Variants in KLRG1 observed in about 807,000 individuals in gnomAD.
KLRG1 encodes the protein killer cell lectin like receptor G1.
A neutral mutation model predicts 21.8 loss-of-function variants in KLRG1; 16 were observed. That is an observed-to-expected ratio of 0.73 (90% CI 0.50 to 1.11). The LOEUF is 1.11. Ranked by LOEUF, KLRG1 falls within the 50% of genes most tolerant of loss-of-function variation. KLRG1 has a pLI of 0.00. For synonymous variants in KLRG1, 69 were observed against 75.9 expected (o/e 0.91, Z 0.47); for missense variants, 173 against 218.3 (o/e 0.79, Z 1.31).
At chr12:9,169,046 C>A in the KLRG1 span, 3 of 1,101,444 alleles carry the variant, frequency 2.7e-6, no homozygotes, top group Non-Finnish European at 4.1e-6. Flanking sequence ...TCCTTAGAGA[C>A]TTCTCTATGT....
At chr12:8,954,813 A>G (rs1014423818) in intron 1 of KLRG1, among the ~76,000 whole-genome samples, 3 of 152,230 alleles carry the variant, frequency 2.0e-5, no homozygotes, top group African/African-American at 7.2e-5. Flanking sequence ...CTGATAAGCC[A>G]TACGATGTGT....
At chr12:9,065,014 A>AG in the KLRG1 span, 1 of 152,190 alleles carries the variant, frequency 6.6e-6, no homozygotes, top group African/African-American at 2.4e-5. Flanking sequence ...GGCGCCCCCC[A>AG]GGCAGGGCCG....
At chr12:9,080,271 T>C in the KLRG1 span, 2 of 711,348 alleles carry the variant, frequency 2.8e-6, no homozygotes, top group Non-Finnish European at 2.3e-6. Context: ...CTATGCCTTA[T>C]ACCTAAACTC....
chr12:9,149,455 G>T, the KLRG1 span: 3 of 1,142,814 alleles, frequency 2.6e-6, no homozygotes, highest in Non-Finnish European at 3.7e-6. Context: ...ATGCCATGTG[G>T]ATTGTCTCAG....
At chr12:9,079,441 G>C in the KLRG1 span, 1 of 1,254,134 alleles carries the variant, frequency 8.0e-7, no homozygotes, top group Non-Finnish European at 1.1e-6. Context: ...AAATTTTGTT[G>C]TCATAGATTA....
In KLRG1 at chr12:8,974,418, C is replaced by T. The variant is rs752888933; in HGVS notation, c.-155-17788C>T. Among the ~76,000 whole-genome samples the T allele has an allele frequency of 3.5e-3, 530 of 152,216 alleles. 3 individuals carry two copies. Among genetic ancestry groups the T allele is most frequent in the African/African-American group, 0.011 (467 of 41,544 alleles). On this transcript the variant is annotated intron_variant, in intron 1 of 4. Coordinates refer to the KLRG1 transcript ENST00000539240. Reference sequence around the variant, plus strand: ...TCCTGACCTTGTGATCCACCCACCTCGGCCTCCCAAAGTGCTGGGATTACA... The same window carrying T: ...TCCTGACCTTGTGATCCACCCACCTTGGCCTCCCAAAGTGCTGGGATTACA...
chr12:9,202,792 G>C, the KLRG1 span: 122 of 1,070,222 alleles, frequency 1.1e-4, 2 homozygotes, highest in South Asian at 1.9e-3. Flanking sequence ...CCAAGGAGAA[G>C]GAAGGTGTGA....
the KLRG1 span, among the ~76,000 whole-genome samples, chr12:9,031,637 G>T: frequency 7.9e-5 from 12 of 152,158 alleles, no homozygotes; most frequent in African/African-American, 9.7e-5. Context: ...GGCCCACGAC[G>T]CAGCCCTCAG....
the KLRG1 span, among the ~76,000 whole-genome samples, chr12:9,192,916 A>C: frequency 6.6e-6 from 1 of 152,242 alleles, no homozygotes; most frequent in Non-Finnish European, 1.5e-5. Flanking sequence ...AAATATTAAA[A>C]GGAAATCATC....
the KLRG1 span, chr12:9,151,564 G>C: frequency 2.6e-6 from 4 of 1,543,560 alleles, no homozygotes; most frequent in Admixed American, 5.3e-5. Context: ...TTAGAAAGAC[G>C]ACCCATATGT....
chr12:9,201,270 AC>A, the KLRG1 span: 45 of 1,428,658 alleles, frequency 3.1e-5, no homozygotes, highest in Admixed American at 8.3e-4. Context: ...TATTATCAGA[AC>A]CTCCTACTCT....
chr12:8,956,449 T>G (rs1456407399), intron 1 of KLRG1, among the ~76,000 whole-genome samples: 1 of 152,150 alleles, frequency 6.6e-6, no homozygotes, highest in African/African-American at 2.4e-5. Flanking sequence ...CGCATTTTTT[T>G]TTCTTTTTCT....
At chr12:9,149,696 C>T in the KLRG1 span, 6 of 1,173,890 alleles carry the variant, frequency 5.1e-6, no homozygotes, top group Non-Finnish European at 6.1e-6. Flanking sequence ...TGGAGAAAAG[C>T]ACGCCCTATC....
At position 9,002,910 on chromosome 12, in the gene KLRG1, T is replaced by TACACACACACACACAC. The variant is rs59706974; in HGVS notation, c.358-6045_358-6030dup. Among the ~76,000 whole-genome samples, 452 of 144,718 alleles carry TACACACACACACACAC rather than the reference T, an allele frequency of 3.1e-3. 2 individuals are homozygous for TACACACACACACACAC. Among genetic ancestry groups the TACACACACACACACAC allele is most frequent in the African/African-American group, 9.6e-3 (370 of 38,728 alleles). 94.9% of individuals were successfully genotyped at this position (144,718 alleles called of 152,430 possible). A position where few individuals can be genotyped will look rare whatever the true frequency, so the allele number is the denominator to read the frequency against. On this transcript the variant is annotated intron_variant, in intron 3 of 4. Coordinates refer to ENST00000356986, the MANE Select transcript of KLRG1 (RefSeq NM_005810.4). The stretch of plus-strand genomic sequence containing the variant: ...GCTTCTATATTCTCTCTCTTTCTAA[T>TACACACACACACACAC]ACACACACACACACACACACACACA...
the KLRG1 span, among the ~76,000 whole-genome samples, chr12:9,041,390 A>T: frequency 5.3e-5 from 8 of 152,230 alleles, 1 homozygote; most frequent in South Asian, 1.7e-3. Context: ...TAATTGATGC[A>T]CTATAAACTG....
At chr12:9,087,975 CTA>C in the KLRG1 span, among the ~76,000 whole-genome samples, 3 of 152,032 alleles carry the variant, frequency 2.0e-5, no homozygotes. Flanking sequence ...TATAGGAAGA[CTA>C]AAACACTAAG....
the KLRG1 span, among the ~76,000 whole-genome samples, chr12:9,193,441 C>T: frequency 6.6e-6 from 1 of 152,124 alleles, no homozygotes; most frequent in Non-Finnish European, 1.5e-5. Context: ...CTTTTAACTC[C>T]ATGAAAATAG....
At chr12:9,192,717 A>C in the KLRG1 span, 1 of 1,612,056 alleles carries the variant, frequency 6.2e-7, no homozygotes, top group Non-Finnish European at 8.5e-7. Flanking sequence ...GTGAAAACAC[A>C]AGTTGGGATG....
intron 3 of KLRG1, among the ~76,000 whole-genome samples, chr12:9,007,271 GT>G (rs1279506626): frequency 6.6e-6 from 1 of 151,978 alleles, no homozygotes. Flanking sequence ...ATTTTATTTT[GT>G]TTTTTTGAGA....
Sources: gnomAD v4.1 joint callset for allele counts (sites outside exome capture counted in the v4.1 genomes callset) on GRCh38, gnomAD v4.1.1 for gene constraint, MANE v1.5 for transcripts, NCBI Gene and HGNC (gene_info 2026-07-23, HGNC 2026-07-21) for gene names.